Variants in CUX2 observed in about 807,000 individuals in gnomAD.
CUX2 encodes homeobox protein cut-like 2.
A neutral mutation model predicts 144.8 loss-of-function variants in CUX2; 40 were observed. The observed-to-expected ratio is 0.28, with a 90% CI of 0.21 to 0.36. The LOEUF (loss-of-function observed/expected upper bound fraction) is 0.36, where lower values mean the gene tolerates loss of function less well. Ranked by LOEUF, CUX2 falls within the 10% of genes least tolerant of loss-of-function variation. CUX2 has a pLI of 1.00. For synonymous variants in CUX2, 827 were observed against 875.6 expected, an observed-to-expected ratio of 0.94 and a Z score of 0.98; for missense variants, 1,615 against 1,994.0, an observed-to-expected ratio of 0.81 and a Z score of 3.62.
Position 111,304,228 on chromosome 12 carries a change from C to T in CUX2, c.772C>T (p.Arg258Trp), listed in dbSNP as rs377564745. 2 of 1,613,492 alleles carry T rather than the reference C, an allele frequency of 1.2e-6. No homozygotes were observed. The highest frequency in any genetic ancestry group is 1.7e-5 in the Admixed American group (1 of 59,936). The change falls in exon 10 of 22, where the codon CGG (arginine) becomes TGG (tryptophan). Residue 258 changes from arginine (R) to tryptophan (W), a missense_variant. By Grantham distance (101) the Arg-to-Trp change is moderately radical. Transcript: ENST00000261726. The surrounding 1 kb of genome is among the most constrained non-coding windows in gnomAD (Gnocchi z 4.7). ...TCCCCAGCGAGCTGAGGCTGCCCAG[C>T]GGGAGGTGGAAAGTCTCCGGGAACA... Reference protein sequence around the residue: ...KANQRAEAAQREVESLREQLA... With the variant: ...KANQRAEAAQWEVESLREQLA...
chr12:111,338,178 T>C (rs1888435608), intron 19 of CUX2, 108 bp from the exon 20 acceptor site: 1 of 1,199,882 alleles, frequency 8.3e-7, no homozygotes, highest in East Asian at 2.4e-5. Flanking sequence ...TCAGTGGAGA[T>C]AGCCTCGAGG....
chr12:111,326,560 T>C (rs916630535), intron 18 of CUX2, among the ~76,000 whole-genome samples: 2 of 151,454 alleles, frequency 1.3e-5, no homozygotes, highest in Non-Finnish European at 2.9e-5. Flanking sequence ...GGTGAGCCAC[T>C]GCGCCTGGTC....
chr12:111,117,030 A>G (rs1365138063), intron 1 of CUX2, among the ~76,000 whole-genome samples: 1 of 152,204 alleles, frequency 6.6e-6, no homozygotes, highest in Non-Finnish European at 1.5e-5. Flanking sequence ...CACCTTGCCA[A>G]TGAATTCATA....
chr12:111,286,167 A>C (rs776429670), intron 4 of CUX2, among the ~76,000 whole-genome samples: 1 of 152,236 alleles, frequency 6.6e-6, no homozygotes, highest in African/African-American at 2.4e-5. Flanking sequence ...CCAGACAGCC[A>C]GCGCCCAGAA....
chr12:111,280,746 C>T (rs957239466), intron 4 of CUX2, among the ~76,000 whole-genome samples: 2 of 152,118 alleles, frequency 1.3e-5, no homozygotes, highest in African/African-American at 4.8e-5. Context: ...CACATGGCCT[C>T]CTTCCCTGTG....
chr12:111,089,610 G>C (rs1029027686), intron 1 of CUX2, among the ~76,000 whole-genome samples: 1 of 152,218 alleles, frequency 6.6e-6, no homozygotes, highest in Non-Finnish European at 1.5e-5. Context: ...CGGCCATCCA[G>C]AGGGCCTGGA....
intron 3 of CUX2, 58 bp downstream of exon 3, chr12:111,217,995 T>C (rs2136229285): frequency 6.3e-7 from 1 of 1,596,144 alleles, no homozygotes; most frequent in African/African-American, 1.3e-5. Context: ...CCCCCTCCTA[T>C]CCCACCTAGA....
At chr12:111,080,267 G>A (rs1016213825) in intron 1 of CUX2, among the ~76,000 whole-genome samples, 3 of 151,842 alleles carry the variant, frequency 2.0e-5, no homozygotes, top group South Asian at 2.1e-4. Flanking sequence ...ACCTACACAC[G>A]CAGCCCTCAC....
chr12:111,149,706 A>T (rs1203486962), intron 1 of CUX2, among the ~76,000 whole-genome samples: 1 of 152,168 alleles, frequency 6.6e-6, no homozygotes, highest in Non-Finnish European at 1.5e-5. Flanking sequence ...AAAAGAGGTC[A>T]TTTGGGGGCA....
chr12:111,090,765 G>C (rs1014743067), intron 1 of CUX2, among the ~76,000 whole-genome samples: 3 of 151,826 alleles, frequency 2.0e-5, no homozygotes, highest in Non-Finnish European at 4.4e-5. Context: ...ATTTTGTCCG[G>C]TGGTTTTTCA....
At chr12:111,135,069 T>C (rs918033467) in intron 1 of CUX2, among the ~76,000 whole-genome samples, 20 of 152,292 alleles carry the variant, frequency 1.3e-4, no homozygotes, top group African/African-American at 4.3e-4. Flanking sequence ...GAGCACCTGC[T>C]GTGTGCCAGG....
At chr12:111,326,493 G>A (rs1187962321) in intron 18 of CUX2, among the ~76,000 whole-genome samples, 1 of 151,658 alleles carries the variant, frequency 6.6e-6, no homozygotes, top group Non-Finnish European at 1.5e-5. Flanking sequence ...TGGTGATGGA[G>A]GGGGTTGGTT....
Position 111,349,189 on chromosome 12 carries a change from A to T in CUX2, c.*864A>T, listed in dbSNP as rs1888948913. On this transcript the variant is annotated 3_prime_UTR_variant, in exon 22 of 22. Coordinates refer to ENST00000261726, the MANE Select transcript of CUX2 (RefSeq NM_015267.4). ...ACATCCATCTTGTCCATCTATAGGC[A>T]AGAAGTGTTTCCAGATCCTTTGGAA... The T allele has an allele frequency of 6.6e-6, 1 of 152,258 alleles. No individual in the cohort carries two copies. Among genetic ancestry groups the T allele is most frequent in the South Asian group, 2.1e-4 (1 of 4,830 alleles). The allele number at this position is 152,258 out of a possible 1,614,324, so 9.4% of individuals were successfully genotyped here.
intron 1 of CUX2, among the ~76,000 whole-genome samples, chr12:111,096,309 T>G (rs1387945808): frequency 6.6e-6 from 1 of 152,212 alleles, no homozygotes; most frequent in Non-Finnish European, 1.5e-5. Context: ...TGAGGTTCTT[T>G]GTCTGCCCCG....
At chr12:111,282,480 G>T (rs539985856) in intron 4 of CUX2, among the ~76,000 whole-genome samples, 2 of 152,002 alleles carry the variant, frequency 1.3e-5, no homozygotes, top group South Asian at 4.2e-4. Context: ...TACAAAATTA[G>T]TCAGGTGTGG....
At chr12:111,330,682 T>TATAC (rs1888046759) in intron 18 of CUX2, among the ~76,000 whole-genome samples, 7 of 59,110 alleles carry the variant, frequency 1.2e-4, no homozygotes, top group Admixed American at 9.9e-4. Context: ...TAAAAATACA[T>TATAC]ATACATATAT....
Position 111,304,443 on chromosome 12 carries a change from G to A in CUX2, c.858+129G>A, listed in dbSNP as rs973722024. The A allele has an allele frequency of 7.1e-6, 5 of 703,418 alleles. No individual in the cohort carries two copies. Among genetic ancestry groups the A allele is most frequent in the Non-Finnish European group, 1.0e-5 (4 of 401,444 alleles). 43.6% of individuals were successfully genotyped at this position (703,418 alleles called of 1,614,324 possible). A position where few individuals can be genotyped will look rare whatever the true frequency, so the allele number is the denominator to read the frequency against. ...TGTGCATCCATTTGAAACTGGGAGT[G>A]TGAATGTGTGTGGGTCTCTGTGCAT... is the stretch of plus-strand genomic sequence containing the variant. On this transcript the variant is annotated intron_variant, in intron 10 of 21. Coordinates refer to ENST00000261726, the MANE Select transcript of CUX2 (RefSeq NM_015267.4). The surrounding 1 kb of genome is among the most constrained non-coding windows in gnomAD (Gnocchi z 4.7).
intron 1 of CUX2, among the ~76,000 whole-genome samples, chr12:111,156,275 C>T (rs1370409910): frequency 6.6e-6 from 1 of 152,124 alleles, no homozygotes; most frequent in Non-Finnish European, 1.5e-5. Flanking sequence ...CAGGAATGTT[C>T]CCCTTTTGCT....
At chr12:111,288,401 C>T (rs1318523882) in intron 4 of CUX2, among the ~76,000 whole-genome samples, 1 of 151,950 alleles carries the variant, frequency 6.6e-6, no homozygotes, top group Admixed American at 6.6e-5. Flanking sequence ...AGTCACTTGC[C>T]AAAGTCATAC....
Sources: gnomAD v4.1 joint callset for allele counts (sites outside exome capture counted in the v4.1 genomes callset) on GRCh38, gnomAD v4.1.1 for gene constraint, Gnocchi (gnomAD v3.1) non-coding constraint, MANE v1.5 for transcripts, NCBI Gene and HGNC (gene_info 2026-07-23, HGNC 2026-07-21) for gene names.